Variants in AHRR observed in about 807,000 individuals in gnomAD.
AHRR encodes the protein aryl hydrocarbon receptor repressor.
In AHRR, 28 loss-of-function variants were observed where a neutral mutation model predicts 44.0. The ratio of observed to expected loss-of-function variants is 0.64; its 90% CI spans 0.47 to 0.87. The LOEUF (loss-of-function observed/expected upper bound fraction) is 0.87. AHRR is among the 40% of genes least tolerant of loss of function. The pLI is 0.00. For missense variants in AHRR, 990 were observed against 953.9 expected (o/e 1.04, Z -0.50); for synonymous variants, 434 against 407.0 (o/e 1.07, Z -0.80).
chr5:385,873 C>T (rs1295854416), intron 4 of AHRR, among the ~76,000 whole-genome samples: 1 of 152,166 alleles, frequency 6.6e-6, no homozygotes, highest in African/African-American at 2.4e-5. Flanking sequence ...TTTAATATTT[C>T]CTCACAGACC....
In AHRR at chr5:405,866, G is replaced by A. The variant is rs1735233380; in HGVS notation, c.352-7478G>A. 6.6e-6 allele frequency among the ~76,000 whole-genome samples: 1 copy of A among 152,208 alleles called. No homozygotes were observed. Among genetic ancestry groups the A allele is most frequent in the Non-Finnish European group, 1.5e-5 (1 of 68,026 alleles). On this transcript the variant is annotated intron_variant, in intron 4 of 10. Coordinates refer to ENST00000684583, the MANE Select transcript of AHRR (RefSeq NM_001377236.1). This position sits in a 1 kb window ranked among gnomAD's most constrained non-coding sequence, Gnocchi z 4.5. ...AAATATGGCTTTGCAGCCTAGCAAG[G>A]CTCTCGGTCTGAGGCTGCGTCCTTC...
chr5:327,564 T>G (rs1292136807), intron 1 of AHRR, among the ~76,000 whole-genome samples: 1 of 152,256 alleles, frequency 6.6e-6, no homozygotes, highest in Non-Finnish European at 1.5e-5. Context: ...CATTCTTTTT[T>G]TATGGCTGAA....
intron 2 of AHRR, among the ~76,000 whole-genome samples, chr5:353,236 TG>T (rs1456762364): frequency 6.6e-6 from 1 of 152,204 alleles, no homozygotes; most frequent in Non-Finnish European, 1.5e-5. Flanking sequence ...GGAGCGGCCT[TG>T]GGCACGGCCC....
chr5:421,181 G>C (rs534644245), intron 5 of AHRR: 12 of 614,814 alleles, frequency 2.0e-5, no homozygotes, highest in Non-Finnish European at 2.9e-5. Flanking sequence ...CGCCCGGCTG[G>C]TGCCGGGCAG....
intron 1 of AHRR, among the ~76,000 whole-genome samples, chr5:325,401 C>T (rs1050877543): frequency 6.6e-6 from 1 of 152,222 alleles, no homozygotes; most frequent in African/African-American, 2.4e-5. Flanking sequence ...CTGTTCTCCC[C>T]ACCAGACTGG....
intron 4 of AHRR, among the ~76,000 whole-genome samples, chr5:389,474 A>G (rs6555226): frequency 0.33 from 50,078 of 151,992 alleles, 12,245 homozygotes; most frequent in African/African-American, 0.69. Context: ...GTAGCCGGAA[A>G]TCCCAATGCG....
At chr5:429,497 C>T (rs1411132310) in intron 8 of AHRR, among the ~76,000 whole-genome samples, 4 of 143,342 alleles carry the variant, frequency 2.8e-5, no homozygotes, top group African/African-American at 9.9e-5. Context: ...CCCCTGCCCC[C>T]TGGCCCTCAG....
intron 4 of AHRR, among the ~76,000 whole-genome samples, chr5:409,711 C>T (rs1735398469): frequency 6.6e-6 from 1 of 151,274 alleles, no homozygotes; most frequent in African/African-American, 2.4e-5. Context: ...GGATAAAGTC[C>T]TTTATCAATG....
rs749920389 is a variant in AHRR at position 338,736 on chromosome 5, T to C, written c.-10-5157T>C. ...TTACTGGTTATGAGCAATTTGATTA[T>C]GATATGCCTTGGTGTAATTTTCCTG... is the stretch of plus-strand genomic sequence containing the variant. On this transcript the variant is annotated intron_variant, in intron 1 of 10. Transcript: ENST00000684583. The surrounding 1 kb of genome is among the most constrained non-coding windows in gnomAD (Gnocchi z 4.1). Among the ~76,000 whole-genome samples the C allele has an allele frequency of 1.3e-4, 20 of 152,188 alleles. No individual in the cohort carries two copies. Among genetic ancestry groups the C allele is most frequent in the Non-Finnish European group, 2.6e-4 (18 of 68,052 alleles).
intron 3 of AHRR, among the ~76,000 whole-genome samples, chr5:369,243 C>G (rs1186763748): frequency 6.6e-6 from 1 of 152,192 alleles, no homozygotes; most frequent in East Asian, 1.9e-4. Context: ...TCAAGAGCAG[C>G]ACGGCACAGT....
chr5:386,439 A>G (rs1333251046), intron 4 of AHRR, among the ~76,000 whole-genome samples: 1 of 152,238 alleles, frequency 6.6e-6, no homozygotes, highest in East Asian at 1.9e-4. Flanking sequence ...TAATCACAAG[A>G]ATCCTTAAAA....
Position 395,109 on chromosome 5 carries a change from G to A in AHRR, c.352-18235G>A, listed in dbSNP as rs1297370068. On this transcript the variant is annotated intron_variant, in intron 4 of 10. Transcript: ENST00000684583. This position sits in a 1 kb window ranked among gnomAD's most constrained non-coding sequence, Gnocchi z 5.3. ...ACTGTGACCCCAAAGCCCCTGCCCT[G>A]GGCCGTGGCTCCCAATCTCCTCCAC... 5.9e-5 allele frequency among the ~76,000 whole-genome samples: 9 copies of A among 152,156 alleles called. No individual in the cohort carries two copies. Among genetic ancestry groups the A allele is most frequent in the Admixed American group, 5.2e-4 (8 of 15,276 alleles).
chr5:434,482 A>T lies in AHRR; in HGVS notation c.1742A>T (p.Gln581Leu), dbSNP rs758320732. The T allele has an allele frequency of 8.1e-6, 13 of 1,613,382 alleles. No individual in the cohort carries two copies. In the East Asian group the frequency reaches 2.9e-4, roughly 36 times the overall value. The change falls in exon 11 of 11, where the codon CAG (glutamine) becomes CTG (leucine). Residue 581 changes from glutamine (Q) to leucine (L), a missense_variant. Coordinates refer to ENST00000684583, the MANE Select transcript of AHRR (RefSeq NM_001377236.1). ...AAAACAGAGCCAGACTCTCGGCAAC[A>T]GGTGTACATCTCGCACCTGGGGCAC... ...HLKTEPDSRQ[Q>L]VYISHLGHGV... is the part of the protein sequence containing the mutation.
intron 3 of AHRR, among the ~76,000 whole-genome samples, chr5:363,608 T>A (rs1291674104): frequency 1.3e-5 from 2 of 152,320 alleles, no homozygotes; most frequent in East Asian, 3.9e-4. Context: ...AGTTGCCTAC[T>A]GGGAGCTCCA....
intron 1 of AHRR, among the ~76,000 whole-genome samples, chr5:323,855 G>A (rs138909983): frequency 9.7e-4 from 148 of 152,282 alleles, no homozygotes; most frequent in Middle Eastern, 6.8e-3. Context: ...AGCTCCTTGC[G>A]GAGGAGAGTC....
At chr5:360,294 A>C (rs1304028956) in intron 3 of AHRR, among the ~76,000 whole-genome samples, 1 of 152,234 alleles carries the variant, frequency 6.6e-6, no homozygotes, top group Non-Finnish European at 1.5e-5. Context: ...ACCAGAGCCA[A>C]ATCAGCTGCA....
chr5:340,158 A>G (rs1202556399), intron 1 of AHRR, among the ~76,000 whole-genome samples: 2 of 152,206 alleles, frequency 1.3e-5, no homozygotes, highest in Non-Finnish European at 2.9e-5. Flanking sequence ...GAAACCATTT[A>G]GACCTGGGTT....
At chr5:349,622 C>A (rs1170971844) in intron 2 of AHRR, among the ~76,000 whole-genome samples, 1 of 151,702 alleles carries the variant, frequency 6.6e-6, no homozygotes, top group Non-Finnish European at 1.5e-5. Flanking sequence ...AAAAAGAAAA[C>A]CTTTTGATGA....
intron 5 of AHRR, chr5:421,395 G>A (rs1232037290): frequency 1.7e-6 from 1 of 583,298 alleles, no homozygotes; most frequent in Non-Finnish European, 3.1e-6. Context: ...CCCACACGGA[G>A]GGCGGCCCGG....
Sources: allele counts gnomAD v4.1 joint callset (sites outside exome capture counted in the v4.1 genomes callset), GRCh38; gene constraint gnomAD v4.1.1; non-coding constraint Gnocchi (gnomAD v3.1); transcripts MANE v1.5; gene names NCBI Gene and HGNC (gene_info 2026-07-23, HGNC 2026-07-21).